The following QTMAN variants were observed in gnomAD, a reference collection of about 807,000 sequenced individuals.
The protein encoded by QTMAN is tRNA-queuosine alpha-mannosyltransferase.
At chr2:144,153,997 A>G in the QTMAN span, among the ~76,000 whole-genome samples, 4,699 of 152,266 alleles carry the variant, frequency 0.031, 196 homozygotes, top group East Asian at 0.18. Context: ...ATTCAAGTTG[A>G]TCTGGGCCTA....
At chr2:143,996,796 C>T in the QTMAN span, among the ~76,000 whole-genome samples, 1 of 152,154 alleles carries the variant, frequency 6.6e-6, no homozygotes, top group South Asian at 2.1e-4. Context: ...GGGGTGAAAA[C>T]ATATACACCG....
the QTMAN span, among the ~76,000 whole-genome samples, chr2:144,179,208 C>A: frequency 6.6e-6 from 1 of 152,222 alleles, no homozygotes; most frequent in Admixed American, 6.5e-5. Flanking sequence ...CTCTCATCTG[C>A]AGATGAAATG....
the QTMAN span, among the ~76,000 whole-genome samples, chr2:144,229,664 T>C: frequency 1.3e-5 from 2 of 152,162 alleles, no homozygotes; most frequent in Admixed American, 6.5e-5. Context: ...AATAGAATTA[T>C]AGAAACATAT....
chr2:143,969,440 T>C, the QTMAN span, among the ~76,000 whole-genome samples: 3 of 152,250 alleles, frequency 2.0e-5, no homozygotes, highest in Non-Finnish European at 4.4e-5. Flanking sequence ...AGCTCCATCA[T>C]TGTGTCAAGC....
At chr2:144,191,482 G>A in the QTMAN span, among the ~76,000 whole-genome samples, 6 of 152,026 alleles carry the variant, frequency 3.9e-5, no homozygotes, top group South Asian at 4.1e-4. Context: ...TTAGAAAATC[G>A]CCTATCATTG....
the QTMAN span, among the ~76,000 whole-genome samples, chr2:144,309,697 A>C: frequency 5.9e-5 from 9 of 152,224 alleles, no homozygotes; most frequent in Non-Finnish European, 1.2e-4. Flanking sequence ...CAATGTGTAA[A>C]TCTGTCAAAA....
At chr2:144,075,011 G>C in the QTMAN span, among the ~76,000 whole-genome samples, 6 of 152,202 alleles carry the variant, frequency 3.9e-5, no homozygotes, top group Non-Finnish European at 7.3e-5. Flanking sequence ...AACATTTGAG[G>C]TTGGAAAGCG....
At chr2:143,964,879 T>C in the QTMAN span, among the ~76,000 whole-genome samples, 3 of 152,206 alleles carry the variant, frequency 2.0e-5, no homozygotes. Flanking sequence ...CTGGCTGCCC[T>C]AATGTCTAAA....
the QTMAN span, among the ~76,000 whole-genome samples, chr2:144,242,610 A>C: frequency 6.6e-6 from 1 of 152,204 alleles, no homozygotes; most frequent in Non-Finnish European, 1.5e-5. Flanking sequence ...GTTAGCAATG[A>C]CTGTTGTGAA....
the QTMAN span, among the ~76,000 whole-genome samples, chr2:144,267,879 T>A: frequency 1.3e-5 from 2 of 152,202 alleles, no homozygotes; most frequent in Admixed American, 6.5e-5. Context: ...ACAACTGTAG[T>A]GCTATGGACT....
the QTMAN span, among the ~76,000 whole-genome samples, chr2:144,224,658 A>AG: frequency 6.6e-6 from 1 of 152,146 alleles, no homozygotes; most frequent in African/African-American, 2.4e-5. Context: ...AGAAGGGGCG[A>AG]GGGGATTGGG....
At chr2:143,975,927 T>C in the QTMAN span, among the ~76,000 whole-genome samples, 3 of 152,228 alleles carry the variant, frequency 2.0e-5, no homozygotes, top group African/African-American at 7.2e-5. Context: ...TAACACATTA[T>C]CTGTGGCATA....
the QTMAN span, among the ~76,000 whole-genome samples, chr2:144,012,917 C>T: frequency 6.6e-6 from 1 of 152,010 alleles, no homozygotes; most frequent in African/African-American, 2.4e-5. Flanking sequence ...ATGGGGCAGA[C>T]AAGGAGAGAG....
chr2:144,331,493 C>A, the QTMAN span, among the ~76,000 whole-genome samples: 3,141 of 151,584 alleles, frequency 0.021, 99 homozygotes, highest in African/African-American at 0.072. Context: ...CATCAACTCA[C>A]GTTTTCCATT....
the QTMAN span, among the ~76,000 whole-genome samples, chr2:144,155,360 A>G: frequency 6.6e-6 from 1 of 152,178 alleles, no homozygotes; most frequent in Non-Finnish European, 1.5e-5. Flanking sequence ...GTCAATTAAC[A>G]TGCAAAGAGC....
the QTMAN span, among the ~76,000 whole-genome samples, chr2:144,093,471 CAAGTT>C: frequency 1.3e-5 from 2 of 152,234 alleles, no homozygotes; most frequent in East Asian, 1.9e-4. Context: ...GCTTCACTAC[CAAGTT>C]AAGTGCAACC....
the QTMAN span, among the ~76,000 whole-genome samples, chr2:143,993,415 A>AAG: frequency 1.3e-5 from 2 of 149,296 alleles, no homozygotes; most frequent in Non-Finnish European, 1.5e-5. Context: ...AAAAAAAAAA[A>AAG]GGGGGGGGGA....
the QTMAN span, among the ~76,000 whole-genome samples, chr2:143,993,404 CAA>C: frequency 7.3e-5 from 9 of 122,708 alleles, no homozygotes; most frequent in African/African-American, 3.0e-5. Context: ...ACATGGCAAG[CAA>C]AAAAAAAAAG....
the QTMAN span, among the ~76,000 whole-genome samples, chr2:144,184,578 A>G: frequency 6.6e-6 from 1 of 152,298 alleles, no homozygotes; most frequent in African/African-American, 2.4e-5. Context: ...AAAAATGGCT[A>G]TAGGAAGTAT....
Sources: allele counts gnomAD v4.1 joint callset (sites outside exome capture counted in the v4.1 genomes callset), GRCh38; gene constraint gnomAD v4.1.1; transcripts MANE v1.5; gene names NCBI Gene and HGNC (gene_info 2026-07-23, HGNC 2026-07-21).